PTPRF: variants seen among roughly 807,000 people sequenced by gnomAD.
PTPRF encodes receptor-type tyrosine-protein phosphatase F.
Under a neutral mutation model 201.8 loss-of-function variants are expected in PTPRF, and 59 were observed. That is an observed-to-expected ratio of 0.29 (90% CI 0.24 to 0.36). The LOEUF (loss-of-function observed/expected upper bound fraction) is 0.36. Ranked by LOEUF, PTPRF falls within the 10% of genes least tolerant of loss-of-function variation. The probability of loss-of-function intolerance (pLI) is 1.00; values close to 1 mark genes in which losing one functional copy is unlikely to be tolerated. For synonymous variants in PTPRF, 1,088 were observed against 1,089.7 expected (o/e 1.00, Z 0.03); for missense variants, 2,132 against 2,690.5 (o/e 0.79, Z 4.59).
chr1:43,547,186 C>A (rs1251378348), intron 3 of PTPRF, among the ~76,000 whole-genome samples: 3 of 152,140 alleles, frequency 2.0e-5, no homozygotes, highest in African/African-American at 7.2e-5. Flanking sequence ...CCTCCACCCA[C>A]CCCACTCACC....
intron 9 of PTPRF, 86 bp from the exon 10 acceptor site, chr1:43,591,726 G>A (rs946099805): frequency 2.8e-5 from 44 of 1,543,870 alleles, no homozygotes; most frequent in Non-Finnish European, 3.8e-5. Flanking sequence ...TGTGAGGTTA[G>A]GACCTGACTT....
At chr1:43,535,518 C>T (rs1415431155) in intron 1 of PTPRF, among the ~76,000 whole-genome samples, 1 of 152,128 alleles carries the variant, frequency 6.6e-6, no homozygotes, top group East Asian at 1.9e-4. Context: ...GCTGCTGTTT[C>T]TGGGGACTGT....
chr1:43,559,192 G>C (rs998047963), intron 5 of PTPRF, among the ~76,000 whole-genome samples: 2 of 152,196 alleles, frequency 1.3e-5, no homozygotes, highest in Admixed American at 1.3e-4. Flanking sequence ...GTGTGCAGCA[G>C]GGGTGCTGCC....
rs181650687 is a variant in PTPRF at position 43,577,942 on chromosome 1, G to A, written c.569-868G>A. Among the ~76,000 whole-genome samples the A allele has an allele frequency of 1.3e-4, 20 of 152,310 alleles. No homozygotes were observed. In the East Asian group the frequency reaches 3.1e-3, roughly 24 times the overall value. On this transcript the variant is annotated intron_variant, in intron 6 of 33. Transcript: ENST00000359947. ...TTTCAAGTGTTTATTGGTGGGGCCAGGGGACGGCCAAGTCCAGTGGATCCA... is the reference window on the plus strand; with the variant it reads ...TTTCAAGTGTTTATTGGTGGGGCCAAGGGACGGCCAAGTCCAGTGGATCCA...
intron 5 of PTPRF, among the ~76,000 whole-genome samples, chr1:43,556,920 G>T (rs1482803581): frequency 6.6e-6 from 1 of 152,346 alleles, no homozygotes; most frequent in African/African-American, 2.4e-5. Flanking sequence ...GGACATACCT[G>T]TGCAATAGGA....
At chr1:43,606,716 G>A (rs1655207923) in intron 20 of PTPRF, 98 bp from the exon 21 acceptor site, 1 of 1,506,824 alleles carries the variant, frequency 6.6e-7, no homozygotes, top group Admixed American at 1.8e-5. Context: ...CAGGCCCAGG[G>A]TAACCCAGAC....
chr1:43,553,523 C>T lies in PTPRF; in HGVS notation c.123C>T (p.Asp41=), dbSNP rs1267322478. 2 of 1,613,942 alleles carry T rather than the reference C, an allele frequency of 1.2e-6. No homozygotes were observed. Among genetic ancestry groups the T allele is most frequent in the East Asian group, 4.5e-5 (2 of 44,890 alleles). The change falls in exon 4 of 34, where the codon GAC becomes GAT. Residue 41 remains aspartate (D), a synonymous_variant. Coordinates refer to ENST00000359947, the MANE Select transcript of PTPRF (RefSeq NM_002840.5). The surrounding 1 kb of genome is among the most constrained non-coding windows in gnomAD (Gnocchi z 4.1). ...CTGTCTTCATTAAAGTCCCTGAGGACCAGACTGGGCTGTCAGGAGGGGTAG... is the reference window on the plus strand; with the variant it reads ...CTGTCTTCATTAAAGTCCCTGAGGATCAGACTGGGCTGTCAGGAGGGGTAG... ...SKPVFIKVPE[D]QTGLSGGVAS...
rs556925873 is a variant in PTPRF at position 43,615,773 on chromosome 1, A to G, written c.4072-1672A>G. Among the ~76,000 whole-genome samples, 23 of 151,852 alleles carry G rather than the reference A, an allele frequency of 1.5e-4. 1 individual carries two copies. Among genetic ancestry groups the G allele is most frequent in the South Asian group, 1.5e-3 (7 of 4,804 alleles). ...AGTAGAGATGGGGTTTCACCGTGTTAGCCAGGATGGTCTCGATCTCCTGAC... is the reference window on the plus strand; with the variant it reads ...AGTAGAGATGGGGTTTCACCGTGTTGGCCAGGATGGTCTCGATCTCCTGAC... On this transcript the variant is annotated intron_variant, in intron 23 of 33. Coordinates refer to ENST00000359947, the MANE Select transcript of PTPRF (RefSeq NM_002840.5).
intron 6 of PTPRF, chr1:43,575,952 G>T (rs977754849): frequency 1.5e-6 from 2 of 1,363,934 alleles, no homozygotes; most frequent in Admixed American, 1.9e-5. Context: ...CGTGCCTCTC[G>T]CCACACCACG....
intron 3 of PTPRF, among the ~76,000 whole-genome samples, chr1:43,552,035 TG>T (rs1264774393): frequency 6.6e-6 from 1 of 152,086 alleles, no homozygotes; most frequent in African/African-American, 2.4e-5. Context: ...CCTTCTCTGC[TG>T]GATCAACACC....
In PTPRF at chr1:43,537,552, G is replaced by C. The variant is rs1276642331; in HGVS notation, c.-125-646G>C. Among the ~76,000 whole-genome samples, 3 of 152,218 alleles carry C rather than the reference G, an allele frequency of 2.0e-5. No individual in the cohort carries two copies. The highest frequency in any genetic ancestry group is 4.4e-5 in the Non-Finnish European group (3 of 68,048). ...CAGCCACAGTCCATGCTCCTATCAA[G>C]CTTATGGTAGTGACTCAGTAATTGT... On this transcript the variant is annotated intron_variant, in intron 1 of 33. Coordinates refer to ENST00000359947, the MANE Select transcript of PTPRF (RefSeq NM_002840.5). This position sits in a 1 kb window ranked among gnomAD's most constrained non-coding sequence, Gnocchi z 4.8.
rs573253392 is a variant in PTPRF at position 43,546,961 on chromosome 1, C to G, written c.91+1795C>G. Among the ~76,000 whole-genome samples the G allele has an allele frequency of 1.3e-5, 2 of 152,234 alleles. No individual in the cohort carries two copies. Among genetic ancestry groups the G allele is most frequent in the Non-Finnish European group, 1.5e-5 (1 of 68,042 alleles). On this transcript the variant is annotated intron_variant, in intron 3 of 33. Transcript: ENST00000359947. The surrounding 1 kb of genome is among the most constrained non-coding windows in gnomAD (Gnocchi z 4.2). ...CACCCTCGGCTCTTGGGCTTTTGCA[C>G]GCAACAGCCTCCTGACGGTTTCCCT... is the stretch of plus-strand genomic sequence containing the variant.
In PTPRF at chr1:43,606,141, C is replaced by T. The variant is rs993663236; in HGVS notation, c.3484-99C>T. ...GTGGGCTCTGACACGGAAGGTGAGC[C>T]TTGATCTCGGCCCAGGGAGCTGACA... On this transcript the variant is annotated intron_variant, in intron 19 of 33. Coordinates refer to ENST00000359947, the MANE Select transcript of PTPRF (RefSeq NM_002840.5). 12 of 1,352,426 alleles carry T rather than the reference C, an allele frequency of 8.9e-6. No homozygotes were observed. The African/African-American group carries it at 1.7e-4, about 20-fold the overall frequency. The allele number at this position is 1,352,426 out of a possible 1,614,324, so 83.8% of individuals were successfully genotyped here. A position where few individuals can be genotyped will look rare whatever the true frequency, so the allele number is the denominator to read the frequency against.
chr1:43,552,244 GC>G (rs936219609), intron 3 of PTPRF, among the ~76,000 whole-genome samples: 4 of 151,820 alleles, frequency 2.6e-5, no homozygotes, highest in African/African-American at 9.7e-5. Flanking sequence ...TCTGGCTTTG[GC>G]CCCCACCCAC....
intron 5 of PTPRF, among the ~76,000 whole-genome samples, chr1:43,556,848 T>C (rs1192067456): frequency 6.6e-6 from 1 of 152,214 alleles, no homozygotes; most frequent in Non-Finnish European, 1.5e-5. Flanking sequence ...CTGAAGGTGG[T>C]TGGCCTCCGT....
At chr1:43,557,063 G>A (rs1035667916) in intron 5 of PTPRF, among the ~76,000 whole-genome samples, 1 of 152,216 alleles carries the variant, frequency 6.6e-6, no homozygotes, top group Non-Finnish European at 1.5e-5. Flanking sequence ...CCTCCTATTG[G>A]CAGCTGTCCT....
chr1:43,618,759 T>C lies in PTPRF; in HGVS notation c.4491+10T>C, dbSNP rs1658471169. The C allele has an allele frequency of 6.3e-7, 1 of 1,593,826 alleles. No individual in the cohort carries two copies. The highest frequency in any genetic ancestry group is 8.6e-7 in the Non-Finnish European group (1 of 1,163,412). On this transcript the variant is annotated intron_variant, in intron 26 of 33. Coordinates refer to ENST00000359947, the MANE Select transcript of PTPRF (RefSeq NM_002840.5). ...CTTCGCACTCCACAAGGTATAGCCTTTCCCCAGTGCATATCTCTTACCCAG... is the reference window on the plus strand; with the variant it reads ...CTTCGCACTCCACAAGGTATAGCCTCTCCCCAGTGCATATCTCTTACCCAG...
At chr1:43,575,400 C>T (rs1003032619) in intron 6 of PTPRF, among the ~76,000 whole-genome samples, 1 of 152,194 alleles carries the variant, frequency 6.6e-6, no homozygotes, top group Non-Finnish European at 1.5e-5. Context: ...CCGTTCCTCT[C>T]GGCTGGGCTG....
chr1:43,590,397 T>C (rs1162073427), intron 8 of PTPRF, among the ~76,000 whole-genome samples: 1 of 152,230 alleles, frequency 6.6e-6, no homozygotes, highest in Admixed American at 6.5e-5. Flanking sequence ...CAGCACAATG[T>C]CTGGCATTGA....
Sources: allele counts gnomAD v4.1 joint callset (sites outside exome capture counted in the v4.1 genomes callset), GRCh38; gene constraint gnomAD v4.1.1; non-coding constraint Gnocchi (gnomAD v3.1); transcripts MANE v1.5; gene names NCBI Gene and HGNC (gene_info 2026-07-23, HGNC 2026-07-21).